The following OSBPL1A variants were observed in gnomAD, a reference collection of about 807,000 sequenced individuals.
The protein encoded by OSBPL1A is oxysterol-binding protein-related protein 1.
A neutral mutation model predicts 137.1 loss-of-function variants in OSBPL1A; 80 were observed. The ratio of observed to expected loss-of-function variants is 0.58; its 90% CI spans 0.49 to 0.70. The LOEUF (loss-of-function observed/expected upper bound fraction) is 0.70, where lower values mean the gene tolerates loss of function less well. Among genes scored for constraint, OSBPL1A ranks in the 30% least tolerant of loss-of-function variants. OSBPL1A has a pLI of 0.00. For synonymous variants in OSBPL1A, 365 were observed against 389.7 expected (o/e 0.94, Z 0.75); for missense variants, 970 against 1,129.4 (o/e 0.86, Z 2.02).
At position 24,198,961 on chromosome 18, in the gene OSBPL1A, G is replaced by A. The variant is rs537702915; in HGVS notation, c.1602-2761C>T. 4.6e-5 allele frequency among the ~76,000 whole-genome samples: 7 copies of A among 151,446 alleles called. No individual in the cohort carries two copies. In the South Asian group the frequency reaches 1.3e-3, roughly 27 times the overall value. The stretch of plus-strand genomic sequence containing the variant: ...CAACCTCCACCTCCCGGGTTCAAAC[G>A]ATTCTTCTGCCTCAGCCTCCCGAGT... On this transcript the variant is annotated intron_variant, in intron 17 of 27. Coordinates refer to ENST00000319481, the MANE Select transcript of OSBPL1A (RefSeq NM_080597.4).
intron 17 of OSBPL1A, among the ~76,000 whole-genome samples, chr18:24,214,304 T>A (rs2145972239): frequency 6.6e-6 from 1 of 152,334 alleles, no homozygotes; most frequent in South Asian, 2.1e-4. Context: ...GCTGCACAGA[T>A]CAGAGCTAAC....
intron 18 of OSBPL1A, among the ~76,000 whole-genome samples, chr18:24,189,891 CG>C (rs1440976778): frequency 6.6e-6 from 1 of 152,194 alleles, no homozygotes; most frequent in Non-Finnish European, 1.5e-5. Flanking sequence ...GTGAAAGACA[CG>C]CAGGCAGAAA....
At chr18:24,330,646 A>T (rs928503139) in intron 7 of OSBPL1A, among the ~76,000 whole-genome samples, 1 of 149,384 alleles carries the variant, frequency 6.7e-6, no homozygotes, top group South Asian at 2.1e-4. Flanking sequence ...CACCACTTGA[A>T]CTCCTGACCT....
At chr18:24,265,654 T>A (rs931391516) in intron 15 of OSBPL1A, among the ~76,000 whole-genome samples, 1 of 152,132 alleles carries the variant, frequency 6.6e-6, no homozygotes, top group East Asian at 1.9e-4. Context: ...GTGTCCTGAA[T>A]GTAGCAAATA....
Position 24,352,087 on chromosome 18 carries a change from C to T in OSBPL1A, c.283-10429G>A, listed in dbSNP as rs977583762. On this transcript the variant is annotated intron_variant, in intron 4 of 27. Transcript: ENST00000319481. ...CTTTGGGAGGCTCAGGCAGGGATCA[C>T]TTGAGCCCAGGAGTTCAAGACCAGC... Among the ~76,000 whole-genome samples, 17 of 152,256 alleles carry T rather than the reference C, an allele frequency of 1.1e-4. No homozygotes were observed. The East Asian group carries it at 1.7e-3, about 16-fold the overall frequency.
chr18:24,334,833 T>G (rs2091145640), intron 5 of OSBPL1A, among the ~76,000 whole-genome samples: 1 of 152,226 alleles, frequency 6.6e-6, no homozygotes, highest in Non-Finnish European at 1.5e-5. Flanking sequence ...TTAGCCAGGA[T>G]GACCTGAAAA....
chr18:24,168,717 C>T (rs1038461456), intron 24 of OSBPL1A, among the ~76,000 whole-genome samples: 1 of 152,130 alleles, frequency 6.6e-6, no homozygotes, highest in Admixed American at 6.5e-5. Context: ...CACAAACTTC[C>T]CGCAGCGTCT....
intron 15 of OSBPL1A, among the ~76,000 whole-genome samples, chr18:24,252,940 G>A (rs1436555031): frequency 2.6e-5 from 4 of 151,488 alleles, no homozygotes; most frequent in Non-Finnish European, 5.9e-5. Flanking sequence ...AAGCCTCACA[G>A]TAGCCTCAAA....
intron 15 of OSBPL1A, among the ~76,000 whole-genome samples, chr18:24,249,743 T>A (rs760273865): frequency 1.3e-5 from 2 of 152,120 alleles, no homozygotes; most frequent in African/African-American, 2.4e-5. Flanking sequence ...CCCATCTCAG[T>A]GGTCAGAACT....
At chr18:24,324,652 C>T (rs544680453) in intron 7 of OSBPL1A, among the ~76,000 whole-genome samples, 7 of 141,610 alleles carry the variant, frequency 4.9e-5, no homozygotes, top group Non-Finnish European at 9.0e-5. Context: ...GGTGCGGTGG[C>T]GCATGCCTGT....
intron 17 of OSBPL1A, among the ~76,000 whole-genome samples, chr18:24,216,145 T>C (rs1433550802): frequency 2.0e-5 from 3 of 152,216 alleles, no homozygotes; most frequent in African/African-American, 7.2e-5. Flanking sequence ...CACCTCTTGT[T>C]TACATTTGAC....
chr18:24,321,857 G>C (rs1392336472), intron 7 of OSBPL1A: 1 of 378,782 alleles, frequency 2.6e-6, no homozygotes, highest in Non-Finnish European at 5.1e-6. Context: ...CTAAGTTCTG[G>C]AGGAGGGTGA....
chr18:24,209,787 C>T (rs866927650), intron 17 of OSBPL1A, among the ~76,000 whole-genome samples: 1 of 152,196 alleles, frequency 6.6e-6, no homozygotes, highest in South Asian at 2.1e-4. Context: ...AGCACACGCA[C>T]TGTGATTCAT....
chr18:24,382,230 C>G, intron 1 of OSBPL1A, among the ~76,000 whole-genome samples: 1 of 108,178 alleles, frequency 9.2e-6, no homozygotes, highest in East Asian at 3.5e-4. Context: ...GAAAACGTCT[C>G]TACTAAAAAA....
At chr18:24,358,118 C>T (rs759690565) in intron 4 of OSBPL1A, 12 of 307,768 alleles carry the variant, frequency 3.9e-5, no homozygotes, top group African/African-American at 1.7e-4. Flanking sequence ...GTTTAGCATA[C>T]GATGAGAAAC....
intron 15 of OSBPL1A, among the ~76,000 whole-genome samples, chr18:24,247,387 C>T (rs1481313822): frequency 1.3e-5 from 2 of 152,192 alleles, no homozygotes; most frequent in Non-Finnish European, 1.5e-5. Flanking sequence ...TGTGAGGATG[C>T]TGGAGGCGAT....
intron 15 of OSBPL1A, among the ~76,000 whole-genome samples, chr18:24,261,125 T>C (rs1470093295): frequency 6.6e-6 from 1 of 152,130 alleles, no homozygotes; most frequent in Non-Finnish European, 1.5e-5. Context: ...AAAATAACTA[T>C]GCTGAGTTAA....
chr18:24,242,642 G>T (rs2088740361), intron 15 of OSBPL1A, among the ~76,000 whole-genome samples: 1 of 152,216 alleles, frequency 6.6e-6, no homozygotes, highest in African/African-American at 2.4e-5. Context: ...GAAATGTTAA[G>T]TTTATAGCAG....
Position 24,247,746 on chromosome 18 carries a change from C to T in OSBPL1A, c.1282-8364G>A, listed in dbSNP as rs902355291. On this transcript the variant is annotated intron_variant, in intron 15 of 27. Transcript: ENST00000319481. ...TTGGCCTCCCAAAGTGCTGGGATTA[C>T]AGGCAGAGCCACATCACGCCTAGCC... Among the ~76,000 whole-genome samples, 6 of 152,052 alleles carry T rather than the reference C, an allele frequency of 3.9e-5. No individual in the cohort carries two copies. In the East Asian group the frequency reaches 9.6e-4, roughly 24 times the overall value.
Sources: gnomAD v4.1 joint callset for allele counts (sites outside exome capture counted in the v4.1 genomes callset) on GRCh38, gnomAD v4.1.1 for gene constraint, MANE v1.5 for transcripts, NCBI Gene and HGNC (gene_info 2026-07-23, HGNC 2026-07-21) for gene names.